The following NFIX variants were observed in gnomAD, a reference collection of about 807,000 sequenced individuals.
The protein encoded by NFIX is nuclear factor 1 X-type.
A neutral mutation model predicts 53.3 loss-of-function variants in NFIX; 2 were observed. That is an observed-to-expected ratio of 0.04 (90% CI 0.02 to 0.12). The LOEUF is 0.12. Ranked by LOEUF, NFIX falls within the 10% of genes least tolerant of loss-of-function variation. NFIX has a pLI of 1.00. For missense variants in NFIX, 310 were observed against 674.5 expected, an observed-to-expected ratio of 0.46 and a Z score of 5.99; for synonymous variants, 244 against 289.0, an observed-to-expected ratio of 0.84 and a Z score of 1.58.
In NFIX at chr19:13,001,289, G is replaced by A. The variant is rs969786841; in HGVS notation, c.27+5425G>A. Among the ~76,000 whole-genome samples the A allele has an allele frequency of 1.3e-5, 2 of 152,128 alleles. No homozygotes were observed. Among genetic ancestry groups the A allele is most frequent in the South Asian group, 2.1e-4 (1 of 4,832 alleles). On this transcript the variant is annotated intron_variant, in intron 1 of 10. Coordinates refer to ENST00000592199, the MANE Select transcript of NFIX (RefSeq NM_001365902.3). This position sits in a 1 kb window ranked among gnomAD's most constrained non-coding sequence, Gnocchi z 6.5. ...TCTGTGTGGCAGCGTGTGTCTGCCC[G>A]GGTCCCTCTCCATGCCTCTCCATGT...
rs2014786494 is a variant in NFIX at position 13,043,631 on chromosome 19, C to T, written c.559+18079C>T. 6.6e-6 allele frequency among the ~76,000 whole-genome samples: 1 copy of T among 152,168 alleles called. No individual in the cohort carries two copies. Among genetic ancestry groups the T allele is most frequent in the Non-Finnish European group, 1.5e-5 (1 of 68,028 alleles). On this transcript the variant is annotated intron_variant, in intron 2 of 10. Transcript: ENST00000592199. The surrounding 1 kb of genome is among the most constrained non-coding windows in gnomAD (Gnocchi z 4.0). ...TGTTGCTGTGGACTGTGGACTTTGA[C>T]ATCACTCATAGACACCCCCTCTCTC...
chr19:13,066,380 T>G lies in NFIX; in HGVS notation c.560-6667T>G, dbSNP rs1224198710. Among the ~76,000 whole-genome samples, 1 of 145,692 alleles carries G rather than the reference T, an allele frequency of 6.9e-6. No individual in the cohort carries two copies. Among genetic ancestry groups the G allele is most frequent in the Non-Finnish European group, 1.5e-5 (1 of 65,890 alleles). The stretch of plus-strand genomic sequence containing the variant: ...CCCCCGCCCCCAACAATGGCTTTTC[T>G]TGAGCCTAGGCCCTAGGGGCAGCCA... On this transcript the variant is annotated intron_variant, in intron 2 of 10. Transcript: ENST00000592199. The surrounding 1 kb of genome is among the most constrained non-coding windows in gnomAD (Gnocchi z 4.2).
At chr19:13,053,841 G>A (rs1035211844) in intron 2 of NFIX, among the ~76,000 whole-genome samples, 2 of 152,142 alleles carry the variant, frequency 1.3e-5, no homozygotes, top group Non-Finnish European at 2.9e-5. Context: ...ACAGACAGGA[G>A]GGGGTGGTGT....
chr19:13,038,813 C>T (rs915154350), intron 2 of NFIX, among the ~76,000 whole-genome samples: 2 of 152,152 alleles, frequency 1.3e-5, no homozygotes, highest in Non-Finnish European at 2.9e-5. Context: ...GCGCAGTGGT[C>T]TGGTCTGCAC....
At position 13,094,732 on chromosome 19, in the gene NFIX, C is replaced by T; in HGVS notation, c.*83C>T. ...AAGAAATTTTGAGAATGGAAAAATCCCCCAGCCCAGCCCAGCCCCACCGAA... is the reference window on the plus strand; with the variant it reads ...AAGAAATTTTGAGAATGGAAAAATCTCCCAGCCCAGCCCAGCCCCACCGAA... On this transcript the variant is annotated 3_prime_UTR_variant, in exon 11 of 11. Transcript: ENST00000592199. This position sits in a 1 kb window ranked among gnomAD's most constrained non-coding sequence, Gnocchi z 4.3. 1 of 1,435,046 alleles carries T rather than the reference C, an allele frequency of 7.0e-7. No homozygotes were observed. The highest frequency in any genetic ancestry group is 1.2e-5 in the South Asian group (1 of 81,758). The allele number at this position is 1,435,046 out of a possible 1,614,324, so 88.9% of individuals were successfully genotyped here. A position where few individuals can be genotyped will look rare whatever the true frequency, so the allele number is the denominator to read the frequency against.
rs140753815 is a variant in NFIX at position 13,028,529 on chromosome 19, G to A, written c.559+2977G>A. ...ACATGTTCGAGAGGGAATAAAGGAC[G>A]TGTGTTTGGCGTTGAAACTCCACTC... is the stretch of plus-strand genomic sequence containing the variant. On this transcript the variant is annotated intron_variant, in intron 2 of 10. Transcript: ENST00000592199. The surrounding 1 kb of genome is among the most constrained non-coding windows in gnomAD (Gnocchi z 4.2). Among the ~76,000 whole-genome samples, 5 of 152,304 alleles carry A rather than the reference G, an allele frequency of 3.3e-5. No homozygotes were observed. The highest frequency in any genetic ancestry group is 7.3e-5 in the Non-Finnish European group (5 of 68,028).
At chr19:13,083,181 G>T (rs2017575778) in intron 8 of NFIX, among the ~76,000 whole-genome samples, 1 of 152,186 alleles carries the variant, frequency 6.6e-6, no homozygotes. Flanking sequence ...GGCCATGGAG[G>T]GAAGAGCAGA....
chr19:13,064,493 T>C (rs2145388866), intron 2 of NFIX, among the ~76,000 whole-genome samples: 1 of 152,326 alleles, frequency 6.6e-6, no homozygotes, highest in Admixed American at 6.5e-5. Context: ...GTGACTGTCT[T>C]GAGACCGTTG....
At chr19:13,015,162 ATCCCTTGTATTCG>A (rs1482077478) in intron 1 of NFIX, among the ~76,000 whole-genome samples, 1 of 150,774 alleles carries the variant, frequency 6.6e-6, no homozygotes, top group Non-Finnish European at 1.5e-5. Context: ...CTTTTCAGCG[ATCCCTTGTATTCG>A]TCTTTTTACA....
chr19:13,032,470 G>A (rs189151066), intron 2 of NFIX, among the ~76,000 whole-genome samples: 7 of 152,342 alleles, frequency 4.6e-5, no homozygotes, highest in Admixed American at 2.6e-4. Flanking sequence ...TGCATCGTTC[G>A]AGGACTCCTC....
In NFIX at chr19:13,021,021, G is replaced by A. The variant is rs1016555169; in HGVS notation, c.28-4000G>A. 6.6e-6 allele frequency among the ~76,000 whole-genome samples: 1 copy of A among 152,146 alleles called. No individual in the cohort carries two copies. Among genetic ancestry groups the A allele is most frequent in the Non-Finnish European group, 1.5e-5 (1 of 68,010 alleles). On this transcript the variant is annotated intron_variant, in intron 1 of 10. Transcript: ENST00000592199. The surrounding 1 kb of genome is among the most constrained non-coding windows in gnomAD (Gnocchi z 4.2). ...GCTCGTGTTGGCCATTTTCTGTTTG[G>A]TGTCTAATATTTAGTATAAATCAGA...
At chr19:13,053,508 GC>G (rs2145327815) in intron 2 of NFIX, among the ~76,000 whole-genome samples, 1 of 152,292 alleles carries the variant, frequency 6.6e-6, no homozygotes, top group African/African-American at 2.4e-5. Context: ...AACTATGGGA[GC>G]AGGGTGACTC....
Position 13,002,657 on chromosome 19 carries a change from A to T in NFIX, c.27+6793A>T, listed in dbSNP as rs986198423. ...TCTGTGAGGCGCAGCTGTGCCCAGA[A>T]CTCCAAGTTGCGTTTGCCACCACTA... On this transcript the variant is annotated intron_variant, in intron 1 of 10. Coordinates refer to ENST00000592199, the MANE Select transcript of NFIX (RefSeq NM_001365902.3). The surrounding 1 kb of genome is among the most constrained non-coding windows in gnomAD (Gnocchi z 6.1). 2.0e-5 allele frequency among the ~76,000 whole-genome samples: 3 copies of T among 152,078 alleles called. No individual in the cohort carries two copies. Among genetic ancestry groups the T allele is most frequent in the African/African-American group, 7.2e-5 (3 of 41,386 alleles).
intron 8 of NFIX, among the ~76,000 whole-genome samples, chr19:13,083,641 G>A (rs370424579): frequency 5.3e-5 from 8 of 152,240 alleles, no homozygotes; most frequent in South Asian, 2.1e-4. Context: ...ACAAAACACC[G>A]CAAACAGGCA....
At chr19:13,026,183 T>G (rs1368920822) in intron 2 of NFIX, among the ~76,000 whole-genome samples, 3 of 152,160 alleles carry the variant, frequency 2.0e-5, no homozygotes, top group Non-Finnish European at 4.4e-5. Flanking sequence ...GAAAGTAATT[T>G]GATTTCATAG....
In NFIX at chr19:13,002,938, CA is replaced by C. The variant is rs778948024; in HGVS notation, c.27+7075del. Among the ~76,000 whole-genome samples, 12 of 152,144 alleles carry C rather than the reference CA, an allele frequency of 7.9e-5. No individual in the cohort carries two copies. The highest frequency in any genetic ancestry group is 6.5e-5 in the Admixed American group (1 of 15,280). ...GCAAGAGCGGGGATCTGTCTGTCCC[CA>C]CCTGAATCTGTGTGAGCCAAGCTGG... On this transcript the variant is annotated intron_variant, in intron 1 of 10. Coordinates refer to ENST00000592199, the MANE Select transcript of NFIX (RefSeq NM_001365902.3). This position sits in a 1 kb window ranked among gnomAD's most constrained non-coding sequence, Gnocchi z 6.1.
chr19:13,028,316 T>A lies in NFIX; in HGVS notation c.559+2764T>A, dbSNP rs1208385794. Among the ~76,000 whole-genome samples the A allele has an allele frequency of 6.6e-6, 1 of 152,106 alleles. No individual in the cohort carries two copies. Among genetic ancestry groups the A allele is most frequent in the African/African-American group, 2.4e-5 (1 of 41,400 alleles). On this transcript the variant is annotated intron_variant, in intron 2 of 10. Transcript: ENST00000592199. This position sits in a 1 kb window ranked among gnomAD's most constrained non-coding sequence, Gnocchi z 4.2. Reference sequence around the variant, plus strand: ...ACAAGAGCTGCTTTGGACTCTGAAATAAGTGTTTTTCCTTTTCTTAAGACA... The same window carrying A: ...ACAAGAGCTGCTTTGGACTCTGAAAAAAGTGTTTTTCCTTTTCTTAAGACA...
At chr19:13,031,266 A>C (rs547655572) in intron 2 of NFIX, among the ~76,000 whole-genome samples, 1 of 152,024 alleles carries the variant, frequency 6.6e-6, no homozygotes, top group African/African-American at 2.4e-5. Context: ...GACATGGGGG[A>C]AAAAAGAGTC....
Position 13,094,856 on chromosome 19 carries a change from G to T in NFIX, c.*207G>T. On this transcript the variant is annotated 3_prime_UTR_variant, in exon 11 of 11. Transcript: ENST00000592199. This position sits in a 1 kb window ranked among gnomAD's most constrained non-coding sequence, Gnocchi z 4.3. ...GCAGCCCAGTTCTCAGAGAGCCCTT[G>T]GAAGGGGTCTCGGTGGAGCTGTGCA... 1 of 580,408 alleles carries T rather than the reference G, an allele frequency of 1.7e-6. No individual in the cohort carries two copies. Among genetic ancestry groups the T allele is most frequent in the Non-Finnish European group, 3.1e-6 (1 of 325,756 alleles). The allele number at this position is 580,408 out of a possible 1,614,324, so 36.0% of individuals were successfully genotyped here.
Sources: allele counts gnomAD v4.1 joint callset (sites outside exome capture counted in the v4.1 genomes callset), GRCh38; gene constraint gnomAD v4.1.1; non-coding constraint Gnocchi (gnomAD v3.1); transcripts MANE v1.5; gene names NCBI Gene and HGNC (gene_info 2026-07-23, HGNC 2026-07-21).